The following ZSCAN20 variants were observed in gnomAD, a reference collection of about 807,000 sequenced individuals.
The protein encoded by ZSCAN20 is zinc finger and SCAN domain-containing protein 20.
ZSCAN20 carries 39 observed loss-of-function variants against 97.1 expected under a neutral mutation model. The ratio of observed to expected loss-of-function variants is 0.40; its 90% CI spans 0.31 to 0.52. The LOEUF (loss-of-function observed/expected upper bound fraction) is 0.52, where lower values mean the gene tolerates loss of function less well. ZSCAN20 is among the 20% of genes least tolerant of loss of function. ZSCAN20 has a pLI of 0.49. For synonymous variants in ZSCAN20, 456 were observed against 467.3 expected (o/e 0.98, Z 0.31); for missense variants, 1,115 against 1,290.4 (o/e 0.86, Z 2.08).
rs3928341 is a variant in ZSCAN20 at position 33,497,141 on chromosome 1, T to C, written c.*1665T>C. ...GAAGAATGGAACTTTTATTAACATG[T>C]GAGGAAGCCAGTGGAGAGATTTGCT... On this transcript the variant is annotated 3_prime_UTR_variant, in exon 8 of 8. Coordinates refer to ENST00000684572, the MANE Select transcript of ZSCAN20 (RefSeq NM_001377376.1). Among the ~76,000 whole-genome samples the C allele has an allele frequency of 0.77, 117,451 of 152,032 alleles. 45,667 individuals are homozygous for C. Among genetic ancestry groups the C allele is most frequent in the African/African-American group, 0.82 (34,143 of 41,464 alleles).
Position 33,494,749 on chromosome 1 carries a change from G to A in ZSCAN20, c.2405G>A (p.Ser802Asn). The A allele has an allele frequency of 1.2e-6, 2 of 1,614,122 alleles. No homozygotes were observed. Among genetic ancestry groups the A allele is most frequent in the Non-Finnish European group, 1.7e-6 (2 of 1,180,024 alleles). The change falls in exon 8 of 8, where the codon AGC becomes AAC. Residue 802 changes from serine to asparagine, a missense_variant. Transcript: ENST00000684572. ...KPYKCGECWK[S>N]FNQSSNLLKH... The stretch of plus-strand genomic sequence containing the variant: ...TATAAATGTGGAGAATGTTGGAAAA[G>A]CTTCAACCAGAGCTCAAACCTTCTG...
intron 2 of ZSCAN20, among the ~76,000 whole-genome samples, chr1:33,480,168 G>A (rs1652098809): frequency 6.6e-6 from 1 of 152,210 alleles, no homozygotes; most frequent in Non-Finnish European, 1.5e-5. Context: ...AGTAATGTAG[G>A]TAGACAGAAA....
chr1:33,489,480 C>A (rs1476304789), intron 4 of ZSCAN20, 38 bp from the exon 5 acceptor site: 1 of 1,603,578 alleles, frequency 6.2e-7, no homozygotes, highest in East Asian at 2.2e-5. Flanking sequence ...TGTCAAAGGT[C>A]AGTGATGTTT....
In ZSCAN20 at chr1:33,495,555, C is replaced by G; in HGVS notation, c.*79C>G. ...AAGATGTATGCTAGAGATAAACTTTCCAATTTTTAAGCTTGGTGTGTACCC... is the reference window on the plus strand; with the variant it reads ...AAGATGTATGCTAGAGATAAACTTTGCAATTTTTAAGCTTGGTGTGTACCC... On this transcript the variant is annotated 3_prime_UTR_variant, in exon 8 of 8. Transcript: ENST00000684572. 1 of 1,293,396 alleles carries G rather than the reference C, an allele frequency of 7.7e-7. No homozygotes were observed. The highest frequency in any genetic ancestry group is 1.5e-5 in the African/African-American group (1 of 67,856). 80.1% of individuals were successfully genotyped at this position (1,293,396 alleles called of 1,614,324 possible).
intron 2 of ZSCAN20, among the ~76,000 whole-genome samples, chr1:33,486,450 C>G (rs543342673): frequency 6.6e-6 from 1 of 152,304 alleles, no homozygotes; most frequent in Non-Finnish European, 1.5e-5. Flanking sequence ...GCCCTGTGAC[C>G]TCACTTCTCT....
At chr1:33,486,555 C>T (rs1652374119) in intron 2 of ZSCAN20, among the ~76,000 whole-genome samples, 2 of 152,166 alleles carry the variant, frequency 1.3e-5, no homozygotes, top group African/African-American at 4.8e-5. Context: ...CTACAGACTT[C>T]TTGGAAACTA....
rs753367172 is a variant in ZSCAN20 at position 33,479,520 on chromosome 1, C to T, written c.232C>T (p.Arg78Cys). The change falls in exon 2 of 8, where the codon CGT (arginine) becomes TGT (cysteine). Residue 78 changes from arginine (R) to cysteine (C), a missense_variant. This residue lies in a region of ZSCAN20 where 508 missense variants were observed against 611.2 expected (regional missense o/e 0.83). Coordinates refer to ENST00000684572, the MANE Select transcript of ZSCAN20 (RefSeq NM_001377376.1). ...AFSQLWALCC[R>C]WLRPEIRLKE... ...CAGCCAGCTCTGGGCTCTCTGCTGT[C>T]GTTGGCTGAGGCCGGAGATCCGTCT... The T allele has an allele frequency of 1.1e-5, 17 of 1,613,086 alleles. No homozygotes were observed. Among genetic ancestry groups the T allele is most frequent in the East Asian group, 4.5e-5 (2 of 44,892 alleles).
chr1:33,494,273 G>A lies in ZSCAN20; in HGVS notation c.1929G>A (p.Glu643=), dbSNP rs1345055812. 11 of 1,604,802 alleles carry A rather than the reference G, an allele frequency of 6.9e-6. No individual in the cohort carries two copies. Among genetic ancestry groups the A allele is most frequent in the Non-Finnish European group, 8.5e-6 (10 of 1,175,746 alleles). Reference sequence around the variant, plus strand: ...AGATTTCAGAGCAGGACATTTTTGAGGGTTTGCCTGGAGCCTTATCAAAAT... The same window carrying A: ...AGATTTCAGAGCAGGACATTTTTGAAGGTTTGCCTGGAGCCTTATCAAAAT... ...EDQISEQDIF[E]GLPGALSKCP... The change falls in exon 8 of 8, where the codon GAG becomes GAA. Residue 643 remains glutamate, a synonymous_variant. Coordinates refer to ENST00000684572, the MANE Select transcript of ZSCAN20 (RefSeq NM_001377376.1).
chr1:33,476,461 G>A (rs1198360737), intron 1 of ZSCAN20, among the ~76,000 whole-genome samples: 1 of 152,180 alleles, frequency 6.6e-6, no homozygotes, highest in Admixed American at 6.5e-5. Flanking sequence ...TTTGGGCCTG[G>A]TGTGACTGCT....
At position 33,495,087 on chromosome 1, in the gene ZSCAN20, A is replaced by G. The variant is rs748180297; in HGVS notation, c.2743A>G (p.Ser915Gly). 1 of 1,612,126 alleles carries G rather than the reference A, an allele frequency of 6.2e-7. No individual in the cohort carries two copies. The highest frequency in any genetic ancestry group is 1.1e-5 in the South Asian group (1 of 90,950). ...CGAATGTGGGAAAAGCTTCAGTAAG[A>G]GCTCCACCCTGGCCAACCACCAGCG... Reference protein sequence around the residue: ...CAECGKSFSKSSTLANHQRTH... With the variant: ...CAECGKSFSKGSTLANHQRTH... Residue 915 changes from serine to glycine, a missense_variant, in exon 8 of 8, where the codon AGC (serine) becomes GGC (glycine). Around this residue, in one of 3 missense-constraint regions of ZSCAN20, gnomAD observed 554 missense variants for 584.9 expected, o/e 0.95. Transcript: ENST00000684572.
In ZSCAN20 at chr1:33,493,068, C is replaced by A; in HGVS notation, c.1445-119C>A. 1 of 1,059,286 alleles carries A rather than the reference C, an allele frequency of 9.4e-7. No individual in the cohort carries two copies. The highest frequency in any genetic ancestry group is 1.4e-6 in the Non-Finnish European group (1 of 737,040). The allele number at this position is 1,059,286 out of a possible 1,614,324, so 65.6% of individuals were successfully genotyped here. On this transcript the variant is annotated intron_variant, in intron 6 of 7. Coordinates refer to ENST00000684572, the MANE Select transcript of ZSCAN20 (RefSeq NM_001377376.1). This position sits in a 1 kb window ranked among gnomAD's most constrained non-coding sequence, Gnocchi z 4.3. Reference sequence around the variant, plus strand: ...AAGCAAAGGGATATTCTCCAGGTACCTGGATAGTTTCTGACATGCCTATGT... The same window carrying A: ...AAGCAAAGGGATATTCTCCAGGTACATGGATAGTTTCTGACATGCCTATGT...
chr1:33,495,134 G>A lies in ZSCAN20; in HGVS notation c.2790G>A (p.Pro930=), dbSNP rs202025979. The A allele has an allele frequency of 7.6e-4, 1,227 of 1,613,822 alleles. 2 individuals carry two copies. Among genetic ancestry groups the A allele is most frequent in the Non-Finnish European group, 9.7e-4 (1,144 of 1,179,862 alleles). ...AGCGCACCCACACTGGAGAGAAGCC[G>A]TATAAATGTGTGGACTGTGGGAAGT... The part of the protein sequence containing the change: ...NHQRTHTGEK[P]YKCVDCGKCF... Residue 930 remains proline, a synonymous_variant, in exon 8 of 8, where the codon CCG becomes CCA. Coordinates refer to ENST00000684572, the MANE Select transcript of ZSCAN20 (RefSeq NM_001377376.1).
rs762393153 is a variant in ZSCAN20 at position 33,495,133 on chromosome 1, C to T, written c.2789C>T (p.Pro930Leu). ...NHQRTHTGEK[P>L]YKCVDCGKCF... The stretch of plus-strand genomic sequence containing the variant: ...CAGCGCACCCACACTGGAGAGAAGC[C>T]GTATAAATGTGTGGACTGTGGGAAG... The change falls in exon 8 of 8, where the codon CCG becomes CTG. Residue 930 changes from proline to leucine, a missense_variant. Pro to Leu is a moderately conservative substitution (Grantham distance 98, BLOSUM62 -3). This residue lies in a region of ZSCAN20 where 554 missense variants were observed against 584.9 expected (regional missense o/e 0.95). Coordinates refer to ENST00000684572, the MANE Select transcript of ZSCAN20 (RefSeq NM_001377376.1). 5.0e-6 allele frequency: 8 copies of T among 1,613,586 alleles called. No homozygotes were observed. Among genetic ancestry groups the T allele is most frequent in the Admixed American group, 3.3e-5 (2 of 59,968 alleles).
At chr1:33,477,732 G>T (rs1651988959) in intron 1 of ZSCAN20, among the ~76,000 whole-genome samples, 1 of 150,540 alleles carries the variant, frequency 6.6e-6, no homozygotes, top group Non-Finnish European at 1.5e-5. Flanking sequence ...AATCATTCGT[G>T]ACTTTATTAT....
rs202111271 is a variant in ZSCAN20 at position 33,489,612 on chromosome 1, C to A, written c.766+10C>A. On this transcript the variant is annotated intron_variant, in intron 5 of 7. Transcript: ENST00000684572. The stretch of plus-strand genomic sequence containing the variant: ...AACAGCGTGTGCCTGGGTAAGGAGA[C>A]GTACCCTCTGAAGGTGATGTTGTCA... 3 of 1,613,252 alleles carry A rather than the reference C, an allele frequency of 1.9e-6. No individual in the cohort carries two copies. In the South Asian group the frequency reaches 3.3e-5, roughly 18 times the overall value.
rs115080054 is a variant in ZSCAN20, at chr1:33,475,433, C to T, written c.-111+2742C>T. ...CTTTCAATAAATAAACTAATCAGCACAGCTGGGCTTTCTTGTTTGAACATT... is the reference window on the plus strand; with the variant it reads ...CTTTCAATAAATAAACTAATCAGCATAGCTGGGCTTTCTTGTTTGAACATT... On this transcript the variant is annotated intron_variant, in intron 1 of 7. Coordinates refer to ENST00000684572, the MANE Select transcript of ZSCAN20 (RefSeq NM_001377376.1). 6.7e-3 allele frequency among the ~76,000 whole-genome samples: 1,023 copies of T among 152,328 alleles called. 5 individuals carry two copies. Among genetic ancestry groups the T allele is most frequent in the Non-Finnish European group, 0.011 (727 of 68,038 alleles).
intron 1 of ZSCAN20, among the ~76,000 whole-genome samples, chr1:33,475,964 G>A (rs552079285): frequency 7.9e-5 from 12 of 152,112 alleles, no homozygotes; most frequent in Admixed American, 5.9e-4. Context: ...CACCGCGCCC[G>A]GCCCTCTTTC....
chr1:33,475,957 C>T (rs971200283), intron 1 of ZSCAN20, among the ~76,000 whole-genome samples: 2 of 152,052 alleles, frequency 1.3e-5, no homozygotes, highest in Admixed American at 6.5e-5. Flanking sequence ...CGTGAGCCAC[C>T]GCGCCCGGCC....
intron 1 of ZSCAN20, among the ~76,000 whole-genome samples, chr1:33,478,608 G>A (rs61182919): frequency 0.017 from 2,622 of 152,174 alleles, 83 homozygotes; most frequent in African/African-American, 0.059. Context: ...TAGGGATGAT[G>A]AATAATGCCA....
Sources: gnomAD v4.1 joint callset for allele counts (sites outside exome capture counted in the v4.1 genomes callset) on GRCh38, gnomAD v4.1.1 for gene constraint, gnomAD v4.1.1 regional missense constraint, Gnocchi (gnomAD v3.1) non-coding constraint, MANE v1.5 for transcripts, NCBI Gene and HGNC (gene_info 2026-07-23, HGNC 2026-07-21) for gene names.